CFAP77: variants seen among roughly 807,000 people sequenced by gnomAD.
The protein encoded by CFAP77 is cilia and flagella associated protein 77, also known as cilia- and flagella-associated protein 77.
CFAP77 carries 25 observed loss-of-function variants against 31.1 expected under a neutral mutation model. That is an observed-to-expected ratio of 0.80 (90% CI 0.59 to 1.12). The LOEUF (loss-of-function observed/expected upper bound fraction) is 1.12. CFAP77 is among the 50% of genes most tolerant of loss of function. CFAP77 has a pLI of 0.00. For missense variants in CFAP77, 377 were observed against 397.3 expected, an observed-to-expected ratio of 0.95 and a Z score of 0.44; for synonymous variants, 151 against 159.9, an observed-to-expected ratio of 0.94 and a Z score of 0.42.
At chr9:132,558,307 T>C (rs1189730872) in intron 5 of CFAP77, among the ~76,000 whole-genome samples, 3 of 152,230 alleles carry the variant, frequency 2.0e-5, no homozygotes, top group Non-Finnish European at 4.4e-5. Flanking sequence ...CAAACGATAC[T>C]ATCAAGAAAA....
intron 3 of CFAP77, among the ~76,000 whole-genome samples, chr9:132,514,737 T>C (rs971637017): frequency 4.6e-5 from 7 of 152,194 alleles, no homozygotes; most frequent in African/African-American, 1.7e-4. Context: ...GTCATTAGCT[T>C]TTATGTTGGA....
chr9:132,523,968 G>C (rs746987639), intron 3 of CFAP77, among the ~76,000 whole-genome samples: 1 of 152,042 alleles, frequency 6.6e-6, no homozygotes, highest in Non-Finnish European at 1.5e-5. Flanking sequence ...TAGCCTATTT[G>C]ATTTGGTGCT....
rs1231255923 is a variant in CFAP77, at chr9:132,552,429, C to T, written c.732+9382C>T. Among the ~76,000 whole-genome samples, 2 of 152,174 alleles carry T rather than the reference C, an allele frequency of 1.3e-5. No individual in the cohort carries two copies. Among genetic ancestry groups the T allele is most frequent in the Non-Finnish European group, 2.9e-5 (2 of 68,026 alleles). ...GAGTCGAAGGCCCAGTGCGGTGGCTCATGCCTGTAATCTCCCAGCACTTTG... is the reference window on the plus strand; with the variant it reads ...GAGTCGAAGGCCCAGTGCGGTGGCTTATGCCTGTAATCTCCCAGCACTTTG... On this transcript the variant is annotated intron_variant, in intron 5 of 5. Coordinates refer to ENST00000393216, the MANE Select transcript of CFAP77 (RefSeq NM_001282957.2). This position sits in a 1 kb window ranked among gnomAD's most constrained non-coding sequence, Gnocchi z 5.5.
chr9:132,546,160 T>C (rs1288192402), intron 5 of CFAP77, among the ~76,000 whole-genome samples: 11 of 151,988 alleles, frequency 7.2e-5, no homozygotes, highest in Admixed American at 7.2e-4. Context: ...ACAGAAGAAT[T>C]TAAAAGTCTG....
rs1851634806 is a variant in CFAP77 at position 132,490,446 on chromosome 9, T to C, written c.196-8249T>C. 2.0e-5 allele frequency among the ~76,000 whole-genome samples: 3 copies of C among 152,286 alleles called. No individual in the cohort carries two copies. The highest frequency in any genetic ancestry group is 2.0e-4 in the Admixed American group (3 of 15,304). On this transcript the variant is annotated intron_variant, in intron 1 of 5. Transcript: ENST00000393216. This position sits in a 1 kb window ranked among gnomAD's most constrained non-coding sequence, Gnocchi z 4.6. ...AGGAGCTCGTTTGAGTGCCTCTCCC[T>C]GTAGGTTCTTAACAGGCTTCACACA...
chr9:132,496,981 G>C (rs1395967422), intron 1 of CFAP77, among the ~76,000 whole-genome samples: 2 of 152,198 alleles, frequency 1.3e-5, no homozygotes, highest in East Asian at 3.9e-4. Context: ...ATTCAGACGA[G>C]GGTGAGCCAT....
chr9:132,572,719 C>G lies in CFAP77; in HGVS notation c.*209C>G, dbSNP rs145904363. The G allele has an allele frequency of 8.9e-3, 5,030 of 563,562 alleles. 38 individuals carry two copies. The highest frequency in any genetic ancestry group is 0.011 in the Non-Finnish European group (3,633 of 324,654). The allele number at this position is 563,562 out of a possible 1,614,324, so 34.9% of individuals were successfully genotyped here. ...TAGTCTCCACTTAGCCCCAGTGACC[C>G]TCTACCTGGAGCCTCCTCCTCTCCT... is the stretch of plus-strand genomic sequence containing the variant. On this transcript the variant is annotated 3_prime_UTR_variant, in exon 6 of 6. Transcript: ENST00000393216.
intron 1 of CFAP77, among the ~76,000 whole-genome samples, chr9:132,443,807 G>C (rs1850660477): frequency 6.6e-6 from 1 of 152,232 alleles, no homozygotes; most frequent in African/African-American, 2.4e-5. Flanking sequence ...TTACATGCAT[G>C]GGGCTTCTGG....
intron 1 of CFAP77, among the ~76,000 whole-genome samples, chr9:132,445,904 A>C (rs2131707281): frequency 6.6e-6 from 1 of 151,800 alleles, no homozygotes; most frequent in African/African-American, 2.4e-5. Context: ...AAAAAGAAAA[A>C]CAAAATAAAT....
chr9:132,529,617 G>A (rs1852400954), intron 3 of CFAP77, among the ~76,000 whole-genome samples: 2 of 151,704 alleles, frequency 1.3e-5, no homozygotes. Context: ...ACGAGGTCAG[G>A]AGATCGAGAC....
chr9:132,416,304 A>T (rs1283158886), intron 1 of CFAP77, among the ~76,000 whole-genome samples: 1 of 142,926 alleles, frequency 7.0e-6, no homozygotes, highest in African/African-American at 2.6e-5. Flanking sequence ...TTGATATGCT[A>T]TAACTGTTGA....
In CFAP77 at chr9:132,546,784, C is replaced by T. The variant is rs573372360; in HGVS notation, c.732+3737C>T. 8.0e-3 allele frequency among the ~76,000 whole-genome samples: 1,216 copies of T among 152,348 alleles called. 8 individuals are homozygous for T. The highest frequency in any genetic ancestry group is 0.011 in the Non-Finnish European group (773 of 68,032). ...GGCTGGGGCCCAGAAGGGGGTTCTG[C>T]CAGCAGCTGGCGAGGGGCCCTCCTA... is the stretch of plus-strand genomic sequence containing the variant. On this transcript the variant is annotated intron_variant, in intron 5 of 5. Coordinates refer to ENST00000393216, the MANE Select transcript of CFAP77 (RefSeq NM_001282957.2).
rs761555315 is a variant in CFAP77, at chr9:132,498,807, C to A, written c.295+13C>A. 3.8e-6 allele frequency: 6 copies of A among 1,586,646 alleles called. No individual in the cohort carries two copies. The highest frequency in any genetic ancestry group is 2.7e-5 in the African/African-American group (2 of 74,702). Reference sequence around the variant, plus strand: ...GGAGTCCCTGAAGGTGAGCGAGCAGCTTTGGAGCATGAGGGCAGAGGAGTG... The same window carrying A: ...GGAGTCCCTGAAGGTGAGCGAGCAGATTTGGAGCATGAGGGCAGAGGAGTG... On this transcript the variant is annotated intron_variant, in intron 2 of 5. Coordinates refer to ENST00000393216, the MANE Select transcript of CFAP77 (RefSeq NM_001282957.2). This position sits in a 1 kb window ranked among gnomAD's most constrained non-coding sequence, Gnocchi z 4.2.
At chr9:132,464,529 A>T (rs1851118003) in intron 1 of CFAP77, among the ~76,000 whole-genome samples, 1 of 152,178 alleles carries the variant, frequency 6.6e-6, no homozygotes, top group Non-Finnish European at 1.5e-5. Context: ...AAAAAGAAAC[A>T]AGGGAAATTA....
intron 1 of CFAP77, among the ~76,000 whole-genome samples, chr9:132,438,541 A>ATATATATATATATATATATATATTTT: frequency 8.3e-5 from 9 of 108,116 alleles, no homozygotes; most frequent in African/African-American, 2.0e-4. Context: ...ATATATATAT[A>ATATATATATATATATATATATATTTT]TTTTTTTTTT....
At chr9:132,504,642 G>A (rs557148438) in intron 3 of CFAP77, among the ~76,000 whole-genome samples, 70 of 152,320 alleles carry the variant, frequency 4.6e-4, no homozygotes, top group Admixed American at 8.5e-4. Context: ...GGGCAGCTCC[G>A]CAAATTGCAG....
chr9:132,432,875 A>G (rs1041113105), intron 1 of CFAP77, among the ~76,000 whole-genome samples: 2 of 143,256 alleles, frequency 1.4e-5, no homozygotes, highest in South Asian at 2.4e-4. Context: ...CACCACGCCC[A>G]GCTAATTTTT....
chr9:132,467,751 A>C (rs1423835760), intron 1 of CFAP77, among the ~76,000 whole-genome samples: 2 of 152,120 alleles, frequency 1.3e-5, no homozygotes, highest in Admixed American at 1.3e-4. Flanking sequence ...TTCTATATTT[A>C]ATTTTTTGGG....
intron 1 of CFAP77, among the ~76,000 whole-genome samples, chr9:132,450,474 C>G (rs1850806721): frequency 6.6e-6 from 1 of 152,158 alleles, no homozygotes; most frequent in Non-Finnish European, 1.5e-5. Flanking sequence ...ACAATGACTG[C>G]AAACACTCAT....
Sources: gnomAD v4.1 joint callset for allele counts (sites outside exome capture counted in the v4.1 genomes callset) on GRCh38, gnomAD v4.1.1 for gene constraint, Gnocchi (gnomAD v3.1) non-coding constraint, MANE v1.5 for transcripts, NCBI Gene and HGNC (gene_info 2026-07-23, HGNC 2026-07-21) for gene names.